MARCHF3: variants seen among roughly 807,000 people sequenced by gnomAD.
MARCHF3 encodes the protein membrane associated ring-CH-type finger 3.
MARCHF3 carries 13 observed loss-of-function variants against 24.2 expected under a neutral mutation model. That is an observed-to-expected ratio of 0.54 (90% CI 0.35 to 0.85). The LOEUF (loss-of-function observed/expected upper bound fraction) is 0.85, where lower values mean the gene tolerates loss of function less well. Ranked by LOEUF, MARCHF3 falls within the 40% of genes least tolerant of loss-of-function variation. MARCHF3 has a pLI of 0.01. For synonymous variants in MARCHF3, 144 were observed against 137.3 expected, an observed-to-expected ratio of 1.05 and a Z score of -0.34; for missense variants, 276 against 325.0, an observed-to-expected ratio of 0.85 and a Z score of 1.16.
At chr5:126,992,653 A>G (rs1434235634) in intron 1 of MARCHF3, among the ~76,000 whole-genome samples, 1 of 151,526 alleles carries the variant, frequency 6.6e-6, no homozygotes, top group Non-Finnish European at 1.5e-5. Flanking sequence ...TACTGGCTTG[A>G]GTTTTAGGTC....
intron 4 of MARCHF3, among the ~76,000 whole-genome samples, chr5:126,871,772 T>G (rs1752974843): frequency 6.6e-6 from 1 of 151,984 alleles, no homozygotes; most frequent in Admixed American, 6.6e-5. Context: ...GGTGACATGA[T>G]CTCAGCTCAC....
At chr5:126,912,088 G>GAA (rs1291987170) in intron 3 of MARCHF3, among the ~76,000 whole-genome samples, 1 of 152,152 alleles carries the variant, frequency 6.6e-6, no homozygotes, top group Non-Finnish European at 1.5e-5. Context: ...ATTATGAGTA[G>GAA]AAACTCACCC....
At chr5:126,975,860 G>A (rs927180717) in intron 1 of MARCHF3, among the ~76,000 whole-genome samples, 3 of 152,194 alleles carry the variant, frequency 2.0e-5, no homozygotes, top group Non-Finnish European at 2.9e-5. Context: ...AAAGTCCTTT[G>A]AATAGATCAA....
intron 3 of MARCHF3, among the ~76,000 whole-genome samples, chr5:126,880,586 T>C (rs937167423): frequency 4.6e-5 from 7 of 152,300 alleles, no homozygotes; most frequent in African/African-American, 1.7e-4. Flanking sequence ...CTTAATTTTA[T>C]AGAGGCTCAG....
At chr5:126,944,154 T>A (rs934796859) in intron 1 of MARCHF3, among the ~76,000 whole-genome samples, 1 of 151,916 alleles carries the variant, frequency 6.6e-6, no homozygotes, top group Admixed American at 6.6e-5. Context: ...CTCTCAACAC[T>A]AAGGGATCTC....
rs923836949 is a variant in MARCHF3 at position 126,979,288 on chromosome 5, C to G, written c.-57+51062G>C. On this transcript the variant is annotated intron_variant, in intron 1 of 4. Transcript: ENST00000308660. Reference sequence around the variant, plus strand: ...GTTTTTGTATTTCTAAGGTCTAGCACAAAGCTTGGCAAACATCTGGTACTT... The same window carrying G: ...GTTTTTGTATTTCTAAGGTCTAGCAGAAAGCTTGGCAAACATCTGGTACTT... 2.0e-5 allele frequency among the ~76,000 whole-genome samples: 3 copies of G among 152,298 alleles called. No individual in the cohort carries two copies. The South Asian group carries it at 6.2e-4, about 32-fold the overall frequency.
intron 4 of MARCHF3, among the ~76,000 whole-genome samples, chr5:126,877,375 C>T (rs1753192927): frequency 6.6e-6 from 1 of 152,146 alleles, no homozygotes; most frequent in African/African-American, 2.4e-5. Flanking sequence ...TGCCAGGAAG[C>T]AGGGGGCCCA....
chr5:126,918,087 C>A lies in MARCHF3; in HGVS notation c.85G>T (p.Asp29Tyr), dbSNP rs750104821. The A allele has an allele frequency of 6.8e-6, 11 of 1,614,206 alleles. No homozygotes were observed. The East Asian group carries it at 2.2e-4, about 33-fold the overall frequency. Residue 29 changes from aspartate (D) to tyrosine (Y), a missense_variant, in exon 2 of 5, where the codon GAT (aspartate) becomes TAT (tyrosine). By Grantham distance (160) the Asp-to-Tyr change is radical. Transcript: ENST00000308660. ...SAAPVVKTVE[D>Y]CGSLVNGQPQ... The stretch of plus-strand genomic sequence containing the variant: ...TGCCCATTCACTAGGCTGCCACAAT[C>A]CTCCACCGTCTTCACCACGGGTGCA...
At chr5:126,880,053 A>T (rs1417234511) in intron 3 of MARCHF3, among the ~76,000 whole-genome samples, 2 of 152,074 alleles carry the variant, frequency 1.3e-5, no homozygotes, top group Admixed American at 1.3e-4. Flanking sequence ...TGGGGCTGAC[A>T]GGAGAGGGAG....
intron 3 of MARCHF3, among the ~76,000 whole-genome samples, chr5:126,899,661 C>T (rs1419329500): frequency 6.6e-6 from 1 of 152,120 alleles, no homozygotes; most frequent in Non-Finnish European, 1.5e-5. Flanking sequence ...AAAAGCTTTG[C>T]TTTCCAACTA....
chr5:126,979,435 G>A (rs1751313289), intron 1 of MARCHF3, among the ~76,000 whole-genome samples: 1 of 152,140 alleles, frequency 6.6e-6, no homozygotes, highest in Non-Finnish European at 1.5e-5. Flanking sequence ...GATCCATTTT[G>A]GGAAGACTGT....
intron 4 of MARCHF3, among the ~76,000 whole-genome samples, chr5:126,874,671 T>C (rs1357333694): frequency 6.6e-6 from 1 of 151,798 alleles, no homozygotes; most frequent in African/African-American, 2.4e-5. Context: ...GGAAGTGGTG[T>C]GACTTAGGGA....
chr5:126,904,800 C>A (rs1754229128), intron 3 of MARCHF3, among the ~76,000 whole-genome samples: 1 of 150,598 alleles, frequency 6.6e-6, no homozygotes, highest in Admixed American at 6.7e-5. Flanking sequence ...TTTTGCTGTG[C>A]AGAAGCTCTT....
chr5:126,900,478 C>A (rs1026748707), intron 3 of MARCHF3, among the ~76,000 whole-genome samples: 2 of 152,054 alleles, frequency 1.3e-5, no homozygotes, highest in Admixed American at 1.3e-4. Flanking sequence ...AGGACATAGA[C>A]AGAAGTTGGC....
At chr5:126,992,070 T>C (rs911168123) in intron 1 of MARCHF3, among the ~76,000 whole-genome samples, 9 of 152,308 alleles carry the variant, frequency 5.9e-5, no homozygotes, top group Non-Finnish European at 5.9e-5. Flanking sequence ...GCTTAGTTAA[T>C]GCTGAGTGAA....
intron 1 of MARCHF3, among the ~76,000 whole-genome samples, chr5:126,922,805 C>T (rs1350960151): frequency 6.6e-6 from 1 of 152,184 alleles, no homozygotes; most frequent in South Asian, 2.1e-4. Context: ...CTCGGCCTCC[C>T]AAAGTGCTGG....
intron 1 of MARCHF3, among the ~76,000 whole-genome samples, chr5:127,014,504 C>T (rs889802024): frequency 3.9e-5 from 6 of 152,104 alleles, no homozygotes; most frequent in East Asian, 1.9e-4. Context: ...ATATCTGCAG[C>T]CCCATGTTTA....
At chr5:126,947,935 C>T (rs1265862144) in intron 1 of MARCHF3, among the ~76,000 whole-genome samples, 1 of 152,080 alleles carries the variant, frequency 6.6e-6, no homozygotes, top group Non-Finnish European at 1.5e-5. Flanking sequence ...GACAACTGTA[C>T]TTGGTCAAAG....
chr5:126,890,121 G>A (rs1753632882), intron 3 of MARCHF3, among the ~76,000 whole-genome samples: 1 of 152,128 alleles, frequency 6.6e-6, no homozygotes, highest in Non-Finnish European at 1.5e-5. Flanking sequence ...CAGATTACCA[G>A]GTGAAGACAC....
Sources: allele counts gnomAD v4.1 joint callset (sites outside exome capture counted in the v4.1 genomes callset), GRCh38; gene constraint gnomAD v4.1.1; transcripts MANE v1.5; gene names NCBI Gene and HGNC (gene_info 2026-07-23, HGNC 2026-07-21).